PDGFD: variants seen among roughly 807,000 people sequenced by gnomAD.
PDGFD encodes platelet derived growth factor D.
In PDGFD, 30 loss-of-function variants were observed where a neutral mutation model predicts 44.7. The observed-to-expected ratio is 0.67, with a 90% confidence interval of 0.50 to 0.91. The LOEUF (loss-of-function observed/expected upper bound fraction) is 0.91. PDGFD is among the 40% of genes least tolerant of loss of function. The probability of loss-of-function intolerance (pLI) is 0.00; values close to 1 mark genes in which losing one functional copy is unlikely to be tolerated. For synonymous variants in PDGFD, 173 were observed against 168.4 expected (o/e 1.03, Z -0.21); for missense variants, 445 against 457.8 (o/e 0.97, Z 0.25).
At chr11:104,021,795 G>T (rs1859958470) in intron 1 of PDGFD, among the ~76,000 whole-genome samples, 1 of 152,154 alleles carries the variant, frequency 6.6e-6, no homozygotes, top group Admixed American at 6.6e-5. Context: ...ATTCACATTA[G>T]AACAGCACCT....
intron 1 of PDGFD, among the ~76,000 whole-genome samples, chr11:104,069,592 G>C (rs997516516): frequency 2.6e-5 from 4 of 152,190 alleles, no homozygotes; most frequent in African/African-American, 9.7e-5. Flanking sequence ...CGGGCACAGT[G>C]GTTCATGCCT....
chr11:104,094,952 C>T (rs1223738220), intron 1 of PDGFD, among the ~76,000 whole-genome samples: 1 of 152,128 alleles, frequency 6.6e-6, no homozygotes, highest in Non-Finnish European at 1.5e-5. Context: ...TCCAACCCTG[C>T]TTCCAGTTCA....
chr11:104,052,607 T>C (rs1860559519), intron 1 of PDGFD, among the ~76,000 whole-genome samples: 1 of 152,170 alleles, frequency 6.6e-6, no homozygotes, highest in Admixed American at 6.5e-5. Flanking sequence ...TAGGGGTATT[T>C]TTTGGCGTGT....
At chr11:104,081,604 A>G (rs1356754346) in intron 1 of PDGFD, among the ~76,000 whole-genome samples, 1 of 152,170 alleles carries the variant, frequency 6.6e-6, no homozygotes, top group African/African-American at 2.4e-5. Context: ...AATTTGATAT[A>G]AACAGTCAAA....
intron 1 of PDGFD, among the ~76,000 whole-genome samples, chr11:104,150,317 G>A (rs1862223338): frequency 6.6e-6 from 1 of 152,084 alleles, no homozygotes; most frequent in Non-Finnish European, 1.5e-5. Flanking sequence ...ACGGAATTAG[G>A]GCAGAAGTGA....
intron 1 of PDGFD, among the ~76,000 whole-genome samples, chr11:104,147,892 G>T (rs1862185984): frequency 6.6e-6 from 1 of 152,238 alleles, no homozygotes; most frequent in African/African-American, 2.4e-5. Context: ...CAGCCAGAAA[G>T]AGTAATTTTA....
At chr11:104,006,100 G>A (rs1859697605) in intron 1 of PDGFD, among the ~76,000 whole-genome samples, 1 of 152,184 alleles carries the variant, frequency 6.6e-6, no homozygotes, top group Non-Finnish European at 1.5e-5. Flanking sequence ...GAAAGTCACT[G>A]TAGGCACTAT....
intron 1 of PDGFD, among the ~76,000 whole-genome samples, chr11:104,128,968 G>A (rs190400939): frequency 5.0e-4 from 76 of 152,208 alleles, no homozygotes; most frequent in African/African-American, 1.6e-3. Context: ...TGCAAACTCC[G>A]TACATCCAGT....
intron 1 of PDGFD, among the ~76,000 whole-genome samples, chr11:104,059,312 T>C (rs1860672744): frequency 6.6e-6 from 1 of 152,196 alleles, no homozygotes; most frequent in Non-Finnish European, 1.5e-5. Flanking sequence ...ATAAATACAA[T>C]CTTCATATGT....
chr11:103,972,008 TG>T (rs1688255935), intron 3 of PDGFD, among the ~76,000 whole-genome samples: 1 of 152,238 alleles, frequency 6.6e-6, no homozygotes, highest in Non-Finnish European at 1.5e-5. Context: ...TACATAATCC[TG>T]ACCCTTCCCT....
intron 1 of PDGFD, among the ~76,000 whole-genome samples, chr11:104,160,579 G>A (rs996432178): frequency 2.0e-5 from 3 of 152,132 alleles, no homozygotes; most frequent in Admixed American, 6.6e-5. Flanking sequence ...GCAGAAATGG[G>A]TATCAAAAGT....
chr11:104,007,043 T>C (rs569201688), intron 1 of PDGFD, among the ~76,000 whole-genome samples: 1 of 152,264 alleles, frequency 6.6e-6, no homozygotes, highest in East Asian at 1.9e-4. Context: ...TCCTGGATGT[T>C]GCTATGGGAG....
At chr11:104,119,163 A>ATATATT (rs1565340589) in intron 1 of PDGFD, among the ~76,000 whole-genome samples, 165 of 9,832 alleles carry the variant, frequency 0.017, 14 homozygotes, top group Non-Finnish European at 0.021. Flanking sequence ...TATTGATATA[A>ATATATT]CATATAATAT....
chr11:103,917,297 T>C (rs1404289121), intron 6 of PDGFD, among the ~76,000 whole-genome samples: 2 of 152,202 alleles, frequency 1.3e-5, no homozygotes, highest in African/African-American at 2.4e-5. Flanking sequence ...TTTAAATTCA[T>C]AAGTTTAAAC....
intron 5 of PDGFD, among the ~76,000 whole-genome samples, chr11:103,938,787 C>A (rs1858534048): frequency 6.6e-6 from 1 of 152,198 alleles, no homozygotes; most frequent in Admixed American, 6.5e-5. Flanking sequence ...AGCCAGTTTT[C>A]TCAGCACCAT....
At chr11:104,109,009 C>T (rs956285279) in intron 1 of PDGFD, among the ~76,000 whole-genome samples, 2 of 136,858 alleles carry the variant, frequency 1.5e-5, no homozygotes, top group Admixed American at 8.6e-5. Context: ...AATGAGAACA[C>T]GTGGACACAG....
At chr11:104,131,550 T>A (rs966780603) in intron 1 of PDGFD, among the ~76,000 whole-genome samples, 1 of 151,846 alleles carries the variant, frequency 6.6e-6, no homozygotes, top group African/African-American at 2.4e-5. Context: ...CTACATATCC[T>A]TAGAGTCTAC....
intron 1 of PDGFD, among the ~76,000 whole-genome samples, chr11:104,050,484 G>C (rs1448024733): frequency 6.6e-6 from 1 of 152,204 alleles, no homozygotes; most frequent in Non-Finnish European, 1.5e-5. Context: ...GAGCTTTGCT[G>C]ATAGAAGCAG....
intron 1 of PDGFD, among the ~76,000 whole-genome samples, chr11:104,027,686 T>C (rs1860062651): frequency 6.6e-6 from 1 of 152,256 alleles, no homozygotes; most frequent in African/African-American, 2.4e-5. Flanking sequence ...TGTGTGTGTT[T>C]ATGTGACTAT....
Sources: allele counts gnomAD v4.1 joint callset (sites outside exome capture counted in the v4.1 genomes callset), GRCh38; gene constraint gnomAD v4.1.1; transcripts MANE v1.5; gene names NCBI Gene and HGNC (gene_info 2026-07-23, HGNC 2026-07-21).